The following MAGI1 variants were observed in gnomAD, a reference collection of about 807,000 sequenced individuals.
MAGI1 encodes the protein membrane associated guanylate kinase, WW and PDZ domain containing 1.
A neutral mutation model predicts 139.9 loss-of-function variants in MAGI1; 58 were observed. The observed-to-expected ratio is 0.41, with a 90% confidence interval of 0.34 to 0.52. The LOEUF (loss-of-function observed/expected upper bound fraction) is 0.52. MAGI1 is among the 20% of genes least tolerant of loss of function. MAGI1 has a pLI of 0.12. For synonymous variants in MAGI1, 812 were observed against 737.9 expected (o/e 1.10, Z -1.63); for missense variants, 1,874 against 1,901.6 (o/e 0.99, Z 0.27).
At chr3:65,531,493 C>A (rs924877451) in intron 2 of MAGI1, among the ~76,000 whole-genome samples, 1 of 152,084 alleles carries the variant, frequency 6.6e-6, no homozygotes, top group Non-Finnish European at 1.5e-5. Flanking sequence ...ATAGTTATAA[C>A]ACACAATTAT....
At chr3:66,014,080 A>G (rs2060022) in intron 1 of MAGI1, among the ~76,000 whole-genome samples, 69,152 of 151,978 alleles carry the variant, frequency 0.46, 17,009 homozygotes, top group East Asian at 0.74. Flanking sequence ...CCTATGTCAC[A>G]GCCCATTTCC....
intron 2 of MAGI1, among the ~76,000 whole-genome samples, chr3:65,541,062 GA>G (rs1321352057): frequency 6.6e-5 from 10 of 151,996 alleles, no homozygotes; most frequent in Admixed American, 5.9e-4. Flanking sequence ...CTATCCTAAA[GA>G]AAAAAACTGA....
At chr3:65,375,102 C>A (rs578030918) in intron 18 of MAGI1, among the ~76,000 whole-genome samples, 1 of 152,154 alleles carries the variant, frequency 6.6e-6, no homozygotes, top group African/African-American at 2.4e-5. Context: ...ATCTGTACCA[C>A]CTGTATTAAA....
intron 6 of MAGI1, among the ~76,000 whole-genome samples, chr3:65,450,587 G>A (rs558102684): frequency 1.3e-5 from 2 of 152,114 alleles, no homozygotes; most frequent in Non-Finnish European, 1.5e-5. Context: ...CGACTAAGTC[G>A]AAGTATCTTT....
chr3:65,639,563 G>A (rs2084858711), intron 1 of MAGI1, among the ~76,000 whole-genome samples: 1 of 152,106 alleles, frequency 6.6e-6, no homozygotes, highest in Non-Finnish European at 1.5e-5. Flanking sequence ...AATTCTGGGT[G>A]TTTCTGTGAT....
intron 1 of MAGI1, among the ~76,000 whole-genome samples, chr3:65,926,417 G>C (rs1198036517): frequency 1.3e-5 from 2 of 149,570 alleles, no homozygotes; most frequent in African/African-American, 5.0e-5. Flanking sequence ...TTGGAACAGA[G>C]CAACTCCATC....
chr3:65,371,033 C>G (rs937678872), intron 18 of MAGI1, among the ~76,000 whole-genome samples: 1 of 152,204 alleles, frequency 6.6e-6, no homozygotes. Context: ...TATGTCTTTA[C>G]TGACTTCAAA....
chr3:65,829,693 T>G (rs1200599856), intron 1 of MAGI1, among the ~76,000 whole-genome samples: 1 of 152,224 alleles, frequency 6.6e-6, no homozygotes, highest in Non-Finnish European at 1.5e-5. Context: ...ATGAGAGTTG[T>G]ACAAAACCCC....
intron 1 of MAGI1, among the ~76,000 whole-genome samples, chr3:65,774,106 T>TA (rs10622916): frequency 0.7 from 103,359 of 146,750 alleles, 36,763 homozygotes; most frequent in Middle Eastern, 0.83. Context: ...ACTGGCTAGT[T>TA]AAAAAAAAAA....
chr3:65,996,759 C>T lies in MAGI1; in HGVS notation c.313+41237G>A, dbSNP rs182040917. Among the ~76,000 whole-genome samples, 166 of 152,338 alleles carry T rather than the reference C, an allele frequency of 1.1e-3. 1 individual carries two copies. Among genetic ancestry groups the T allele is most frequent in the Non-Finnish European group, 1.9e-3 (128 of 68,042 alleles). ...CTTGTGCTGGGACAGCTGGGACCATCGGAGGGCCGGGCACTCACGAAGTTT... is the reference window on the plus strand; with the variant it reads ...CTTGTGCTGGGACAGCTGGGACCATTGGAGGGCCGGGCACTCACGAAGTTT... On this transcript the variant is annotated intron_variant, in intron 1 of 22. Coordinates refer to ENST00000402939, the MANE Select transcript of MAGI1 (RefSeq NM_001033057.2).
At chr3:65,961,233 G>A (rs2107084543) in intron 1 of MAGI1, among the ~76,000 whole-genome samples, 1 of 152,228 alleles carries the variant, frequency 6.6e-6, no homozygotes, top group Admixed American at 6.5e-5. Flanking sequence ...GAAACGAACT[G>A]GTCTCTGTCC....
At chr3:65,418,531 T>C (rs1356862798) in intron 12 of MAGI1, among the ~76,000 whole-genome samples, 2 of 152,170 alleles carry the variant, frequency 1.3e-5, no homozygotes, top group Non-Finnish European at 2.9e-5. Flanking sequence ...GGCCTACCCC[T>C]TCTCACCTAT....
At chr3:65,527,980 T>C (rs1576194510) in intron 2 of MAGI1, among the ~76,000 whole-genome samples, 1 of 151,692 alleles carries the variant, frequency 6.6e-6, no homozygotes, top group Admixed American at 6.6e-5. Flanking sequence ...TTTTAAAAAG[T>C]GGGGTGGGGA....
intron 2 of MAGI1, among the ~76,000 whole-genome samples, chr3:65,565,831 T>C (rs1427007637): frequency 2.3e-5 from 3 of 128,584 alleles, no homozygotes; most frequent in African/African-American, 8.9e-5. Flanking sequence ...CACTCCAGAC[T>C]GGGCGACAGG....
intron 1 of MAGI1, among the ~76,000 whole-genome samples, chr3:65,661,496 G>GTT (rs1456987391): frequency 6.6e-6 from 1 of 152,120 alleles, no homozygotes; most frequent in Non-Finnish European, 1.5e-5. Flanking sequence ...CTGCTGTATG[G>GTT]TTAAAGTCTG....
chr3:65,738,719 G>T (rs1402564054), intron 1 of MAGI1, among the ~76,000 whole-genome samples: 4 of 152,196 alleles, frequency 2.6e-5, no homozygotes, highest in African/African-American at 9.7e-5. Context: ...GAGCTCTTGG[G>T]TGACCAGGTG....
intron 18 of MAGI1, among the ~76,000 whole-genome samples, chr3:65,370,622 G>GC (rs1941891823): frequency 6.6e-6 from 1 of 151,998 alleles, no homozygotes; most frequent in Non-Finnish European, 1.5e-5. Flanking sequence ...AGGCTTAAAA[G>GC]TTTTTTTTCC....
At chr3:65,549,134 C>T (rs1165193215) in intron 2 of MAGI1, among the ~76,000 whole-genome samples, 1 of 152,094 alleles carries the variant, frequency 6.6e-6, no homozygotes, top group Non-Finnish European at 1.5e-5. Flanking sequence ...GCCCAAGAAA[C>T]ATGGCTGGCT....
chr3:65,472,213 A>C (rs1950595787), intron 4 of MAGI1, among the ~76,000 whole-genome samples: 1 of 152,220 alleles, frequency 6.6e-6, no homozygotes, highest in South Asian at 2.1e-4. Context: ...TAAATTCAAA[A>C]CCCGGCAAGA....
Sources: allele counts gnomAD v4.1 joint callset (sites outside exome capture counted in the v4.1 genomes callset), GRCh38; gene constraint gnomAD v4.1.1; transcripts MANE v1.5; gene names NCBI Gene and HGNC (gene_info 2026-07-23, HGNC 2026-07-21).